The following TAFA2 variants were observed in gnomAD, a reference collection of about 807,000 sequenced individuals.
TAFA2 encodes the protein TAFA chemokine like family member 2, also known as chemokine-like protein TAFA-2.
In TAFA2, 7 loss-of-function variants were observed where a neutral mutation model predicts 18.8. That is an observed-to-expected ratio of 0.37 (90% CI 0.21 to 0.70). The LOEUF (loss-of-function observed/expected upper bound fraction) is 0.70, where lower values mean the gene tolerates loss of function less well. Ranked by LOEUF, TAFA2 falls within the 30% of genes least tolerant of loss-of-function variation. TAFA2 has a pLI of 0.53. For synonymous variants in TAFA2, 60 were observed against 54.2 expected (o/e 1.11, Z -0.47); for missense variants, 122 against 158.1 (o/e 0.77, Z 1.23).
chr12:62,079,082 A>G (rs1336980389), intron 1 of TAFA2, among the ~76,000 whole-genome samples: 1 of 152,130 alleles, frequency 6.6e-6, no homozygotes, highest in Non-Finnish European at 1.5e-5. Flanking sequence ...AGTCACACTG[A>G]GTTTACGATG....
At chr12:61,919,774 A>G (rs771148371) in intron 1 of TAFA2, among the ~76,000 whole-genome samples, 9 of 151,974 alleles carry the variant, frequency 5.9e-5, no homozygotes, top group Non-Finnish European at 1.2e-4. Flanking sequence ...CAATTTCTAC[A>G]TTTATCTCAT....
At chr12:62,239,945 GAATA>G (rs1193037015) in intron 1 of TAFA2, among the ~76,000 whole-genome samples, 1 of 152,000 alleles carries the variant, frequency 6.6e-6, no homozygotes, top group Non-Finnish European at 1.5e-5. Flanking sequence ...AAGATAACTA[GAATA>G]GTCAGCCAAT....
chr12:62,169,676 C>G (rs895479487), intron 1 of TAFA2, among the ~76,000 whole-genome samples: 4 of 151,736 alleles, frequency 2.6e-5, no homozygotes, highest in African/African-American at 9.7e-5. Context: ...GCAGTGAAAC[C>G]CTGTCGCTAC....
At chr12:61,928,188 C>T (rs1025802371) in intron 1 of TAFA2, among the ~76,000 whole-genome samples, 1 of 152,144 alleles carries the variant, frequency 6.6e-6, no homozygotes. Context: ...AGAGCTTCTG[C>T]ACAGCAAAAG....
intron 1 of TAFA2, among the ~76,000 whole-genome samples, chr12:62,114,260 T>C (rs1184557140): frequency 6.6e-6 from 1 of 152,154 alleles, no homozygotes; most frequent in East Asian, 1.9e-4. Context: ...CCCTGACCCC[T>C]TGTGCTTCCC....
intron 1 of TAFA2, among the ~76,000 whole-genome samples, chr12:62,029,350 A>C (rs1881389282): frequency 6.6e-6 from 1 of 152,172 alleles, no homozygotes; most frequent in South Asian, 2.1e-4. Flanking sequence ...TAACATTAAT[A>C]TTATGCTTGT....
chr12:61,828,617 T>A (rs1440960421), intron 2 of TAFA2, among the ~76,000 whole-genome samples: 1 of 151,832 alleles, frequency 6.6e-6, no homozygotes, highest in African/African-American at 2.4e-5. Context: ...GACTATAAAA[T>A]GAAATATGGT....
chr12:62,198,278 T>C (rs2062657202), intron 1 of TAFA2: 1 of 152,206 alleles, frequency 6.6e-6, no homozygotes, highest in Non-Finnish European at 1.5e-5. Context: ...GTCATTGATT[T>C]TTTGTTTGGC....
At chr12:61,879,467 TG>T in intron 1 of TAFA2, 1 of 693,028 alleles carries the variant, frequency 1.4e-6, no homozygotes. Context: ...CAGGGTGGCC[TG>T]GGTGGAGGCT....
rs561383558 is a variant in TAFA2 at position 62,165,357 on chromosome 12, C to A, written c.-2+25902G>T. Among the ~76,000 whole-genome samples the A allele has an allele frequency of 2.6e-5, 4 of 152,136 alleles. No homozygotes were observed. The South Asian group carries it at 6.2e-4, about 24-fold the overall frequency. On this transcript the variant is annotated intron_variant, in intron 1 of 4. Transcript: ENST00000416284. Reference sequence around the variant, plus strand: ...TTCCTCATGTACTCAAGGCATGGAACTTTCCAAAGCTCCACTCTTGAATCT... The same window carrying A: ...TTCCTCATGTACTCAAGGCATGGAAATTTCCAAAGCTCCACTCTTGAATCT...
chr12:61,869,383 G>A (rs1874497362), intron 1 of TAFA2, among the ~76,000 whole-genome samples: 2 of 152,168 alleles, frequency 1.3e-5, no homozygotes, highest in African/African-American at 4.8e-5. Context: ...TTAACACTAT[G>A]CATAGCAAAT....
chr12:61,914,795 A>G (rs914425655), intron 1 of TAFA2, among the ~76,000 whole-genome samples: 8 of 152,166 alleles, frequency 5.3e-5, no homozygotes, highest in Non-Finnish European at 7.4e-5. Context: ...TTATTCTCTA[A>G]ATAGCTTCCT....
At chr12:62,053,493 CACCA>C (rs961919162) in intron 1 of TAFA2, among the ~76,000 whole-genome samples, 3 of 152,138 alleles carry the variant, frequency 2.0e-5, no homozygotes, top group African/African-American at 7.2e-5. Context: ...TTTGAAATAA[CACCA>C]ACCATTAACA....
At chr12:62,070,325 G>A (rs1251252902) in intron 1 of TAFA2, 1 of 152,134 alleles carries the variant, frequency 6.6e-6, no homozygotes, top group Non-Finnish European at 1.5e-5. Context: ...GAGAGAATAT[G>A]CTACAAAGCT....
intron 1 of TAFA2, among the ~76,000 whole-genome samples, chr12:61,933,899 T>A (rs1877661983): frequency 1.3e-5 from 2 of 152,190 alleles, no homozygotes; most frequent in South Asian, 4.1e-4. Flanking sequence ...GTATCCCTGT[T>A]AAGTGGTAAA....
intron 1 of TAFA2, among the ~76,000 whole-genome samples, chr12:62,113,607 C>T (rs1337824905): frequency 1.3e-5 from 2 of 152,206 alleles, no homozygotes; most frequent in Non-Finnish European, 2.9e-5. Context: ...CCCCTTCCCC[C>T]AGGTGCTCTG....
At chr12:61,739,170 A>G (rs1329652777) in intron 4 of TAFA2, among the ~76,000 whole-genome samples, 2 of 152,052 alleles carry the variant, frequency 1.3e-5, no homozygotes, top group East Asian at 3.9e-4. Flanking sequence ...ACCACCAGCT[A>G]ATACATGGCA....
chr12:61,779,510 C>G (rs1468815231), intron 2 of TAFA2, among the ~76,000 whole-genome samples: 2 of 151,804 alleles, frequency 1.3e-5, no homozygotes, highest in African/African-American at 4.8e-5. Flanking sequence ...ATTTTACAAC[C>G]ACCACAGCCT....
chr12:62,086,246 T>C (rs914399744), intron 1 of TAFA2, among the ~76,000 whole-genome samples: 3 of 150,954 alleles, frequency 2.0e-5, no homozygotes, highest in African/African-American at 7.3e-5. Flanking sequence ...GCAAGATTGT[T>C]TGGATATGAC....
Sources: gnomAD v4.1 joint callset for allele counts (sites outside exome capture counted in the v4.1 genomes callset) on GRCh38, gnomAD v4.1.1 for gene constraint, MANE v1.5 for transcripts, NCBI Gene and HGNC (gene_info 2026-07-23, HGNC 2026-07-21) for gene names.